OR51L1: variants seen among roughly 807,000 people sequenced by gnomAD.
OR51L1 encodes the protein olfactory receptor family 51 subfamily L member 1.
OR51L1 carries 1 observed loss-of-function variant against 1.4 expected under a neutral mutation model. The observed-to-expected ratio is 0.72, with a 90% confidence interval of 0.26 to 3.42. The LOEUF is 3.42. Ranked by LOEUF, OR51L1 falls within the 30% of genes most tolerant of loss-of-function variation. The probability of loss-of-function intolerance (pLI) is 0.20; values close to 1 mark genes in which losing one functional copy is unlikely to be tolerated. For synonymous variants in OR51L1, 156 were observed against 144.2 expected (o/e 1.08, Z -0.59); for missense variants, 378 against 380.0 (o/e 0.99, Z 0.04).
At chr11:4,996,263 C>A (rs1378421067) in intron 1 of OR51L1, among the ~76,000 whole-genome samples, 1 of 152,072 alleles carries the variant, frequency 6.6e-6, no homozygotes, top group African/African-American at 2.4e-5. Flanking sequence ...CACACACACA[C>A]ACACAGGCAC....
rs1847104695 is a variant in OR51L1 at position 4,999,371 on chromosome 11, A to G, written c.389A>G (p.His130Arg). 6.2e-7 allele frequency: 1 copy of G among 1,614,018 alleles called. No homozygotes were observed. Among genetic ancestry groups the G allele is most frequent in the African/African-American group, 1.3e-5 (1 of 74,910 alleles). The change falls in exon 3 of 3, where the codon CAT (histidine) becomes CGT (arginine). Residue 130 changes from histidine to arginine, a missense_variant. His to Arg is a conservative substitution (Grantham distance 29). Coordinates refer to ENST00000641819, the MANE Select transcript of OR51L1 (RefSeq NM_001004755.2). ...TTTGACCGTTTTGTTGCTATCTGCC[A>G]TCCACTGCACTACCCCACCATCCTC... ...MAFDRFVAIC[H>R]PLHYPTILTN...
chr11:5,005,415 C>G lies in OR51L1; in HGVS notation c.*5485C>G, dbSNP rs1847167667. ...CTACTGCCCAACCTACATGCCTCCC[C>G]CTTCCCCCTTTTAAGGAAATGGATA... On this transcript the variant is annotated 3_prime_UTR_variant, in exon 3 of 3. Transcript: ENST00000641819. 1.3e-5 allele frequency: 2 copies of G among 152,166 alleles called. 1 individual carries two copies. The highest frequency in any genetic ancestry group is 1.3e-4 in the Admixed American group (2 of 15,278). 9.4% of individuals were successfully genotyped at this position (152,166 alleles called of 1,614,324 possible). A position where few individuals can be genotyped will look rare whatever the true frequency, so the allele number is the denominator to read the frequency against.
chr11:4,998,194 AACACACAC>A (rs3066001), intron 2 of OR51L1, among the ~76,000 whole-genome samples: 47,397 of 145,602 alleles, frequency 0.33, 7,651 homozygotes, highest in African/African-American at 0.37. Flanking sequence ...TTATTTCACA[AACACACAC>A]ACACACACAC....
At chr11:4,997,139 G>A (rs1847080528) in intron 1 of OR51L1, among the ~76,000 whole-genome samples, 1 of 152,092 alleles carries the variant, frequency 6.6e-6, no homozygotes, top group Admixed American at 6.6e-5. Flanking sequence ...CATAGAAGAT[G>A]GAGGATTCCT....
In OR51L1 at chr11:5,001,901, G is replaced by A. The variant is rs1158936309; in HGVS notation, c.*1971G>A. 1 of 152,114 alleles carries A rather than the reference G, an allele frequency of 6.6e-6. No homozygotes were observed. Among genetic ancestry groups the A allele is most frequent in the African/African-American group, 2.4e-5 (1 of 41,428 alleles). The allele number at this position is 152,114 out of a possible 1,614,324, so 9.4% of individuals were successfully genotyped here. On this transcript the variant is annotated 3_prime_UTR_variant, in exon 3 of 3. Transcript: ENST00000641819. ...ATAACGTTAATGTTAAATAATGAATGTTTAATAGTGAAGATACATAGATAA... is the reference window on the plus strand; with the variant it reads ...ATAACGTTAATGTTAAATAATGAATATTTAATAGTGAAGATACATAGATAA...
At position 4,996,091 on chromosome 11, in the gene OR51L1, G is replaced by C. The variant is rs867565239; in HGVS notation, c.-262+756G>C. Among the ~76,000 whole-genome samples, 9 of 152,206 alleles carry C rather than the reference G, an allele frequency of 5.9e-5. No homozygotes were observed. The East Asian group carries it at 1.4e-3, about 23-fold the overall frequency. ...TTTCAGGTGAGGGATAAATCAATGA[G>C]ATAAAGCAGTGAGTTAATAATATTG... is the stretch of plus-strand genomic sequence containing the variant. On this transcript the variant is annotated intron_variant, in intron 1 of 2. Transcript: ENST00000641819.
Position 5,000,115 on chromosome 11 carries a change from A to C in OR51L1, c.*185A>C. ...GGATTTTTTTGGACAAATTGTGACA[A>C]CTATGGCCTTACGTTGTCCCCAGGT... is the stretch of plus-strand genomic sequence containing the variant. On this transcript the variant is annotated 3_prime_UTR_variant, in exon 3 of 3. Transcript: ENST00000641819. 1 of 601,568 alleles carries C rather than the reference A, an allele frequency of 1.7e-6. No individual in the cohort carries two copies. The allele number at this position is 601,568 out of a possible 1,614,324, so 37.3% of individuals were successfully genotyped here. A position where few individuals can be genotyped will look rare whatever the true frequency, so the allele number is the denominator to read the frequency against.
chr11:4,998,014 T>C (rs1015615612), intron 2 of OR51L1, among the ~76,000 whole-genome samples: 6 of 152,080 alleles, frequency 3.9e-5, no homozygotes, highest in Non-Finnish European at 7.4e-5. Context: ...AAAAAATCAA[T>C]AGAAATAAAG....
At position 5,004,983 on chromosome 11, in the gene OR51L1, C is replaced by T. The variant is rs1847163766; in HGVS notation, c.*5053C>T. On this transcript the variant is annotated 3_prime_UTR_variant, in exon 3 of 3. Transcript: ENST00000641819. ...CTTGTGCAGAAGTAAAGACTAAGTC[C>T]TGAAGCTGAATCATTGCAACACTCT... is the stretch of plus-strand genomic sequence containing the variant. The T allele has an allele frequency of 6.6e-6, 1 of 152,092 alleles. No individual in the cohort carries two copies. Among genetic ancestry groups the T allele is most frequent in the Non-Finnish European group, 1.5e-5 (1 of 68,010 alleles). 9.4% of individuals were successfully genotyped at this position (152,092 alleles called of 1,614,324 possible).
At position 4,998,400 on chromosome 11, in the gene OR51L1, T is replaced by C. The variant is rs184587133; in HGVS notation, c.-159-424T>C. Among the ~76,000 whole-genome samples, 342 of 152,188 alleles carry C rather than the reference T, an allele frequency of 2.2e-3. 1 individual carries two copies. The highest frequency in any genetic ancestry group is 0.02 in the South Asian group (97 of 4,826). On this transcript the variant is annotated intron_variant, in intron 2 of 2. Coordinates refer to ENST00000641819, the MANE Select transcript of OR51L1 (RefSeq NM_001004755.2). ...CTGGTATTATGGATTCTGTTTCTTA[T>C]GTTCATGCTCTCTTTTCATATAGGG... is the stretch of plus-strand genomic sequence containing the variant.
In OR51L1 at chr11:5,001,968, C is replaced by A. The variant is rs1350557713; in HGVS notation, c.*2038C>A. The A allele has an allele frequency of 6.6e-6, 1 of 152,140 alleles. No homozygotes were observed. The highest frequency in any genetic ancestry group is 6.5e-5 in the Admixed American group (1 of 15,276). 9.4% of individuals were successfully genotyped at this position (152,140 alleles called of 1,614,324 possible). A position where few individuals can be genotyped will look rare whatever the true frequency, so the allele number is the denominator to read the frequency against. ...AGTGTAATCAATGGTATTATTGGAA[C>A]AGGTACCTTTTATAATATTGATATA... On this transcript the variant is annotated 3_prime_UTR_variant, in exon 3 of 3. Coordinates refer to ENST00000641819, the MANE Select transcript of OR51L1 (RefSeq NM_001004755.2).
At chr11:4,996,191 G>A (rs1487748834) in intron 1 of OR51L1, among the ~76,000 whole-genome samples, 1 of 151,890 alleles carries the variant, frequency 6.6e-6, no homozygotes, top group Non-Finnish European at 1.5e-5. Context: ...ATTGTATACC[G>A]AAAATTTGCC....
In OR51L1 at chr11:4,998,822, A is replaced by G. The variant is rs2133660713; in HGVS notation, c.-159-2A>G. 1 of 722,474 alleles carries G rather than the reference A, an allele frequency of 1.4e-6. No individual in the cohort carries two copies. The highest frequency in any genetic ancestry group is 2.2e-6 in the Non-Finnish European group (1 of 450,856). 44.8% of individuals were successfully genotyped at this position (722,474 alleles called of 1,614,324 possible). ...TAATATTGGGAAATGTTTTTTACATAGGGCCGACAAGAGATACCAGCTTCC... is the reference window on the plus strand; with the variant it reads ...TAATATTGGGAAATGTTTTTTACATGGGGCCGACAAGAGATACCAGCTTCC... On this transcript the variant is annotated splice_acceptor_variant, in intron 2 of 2. Coordinates refer to ENST00000641819, the MANE Select transcript of OR51L1 (RefSeq NM_001004755.2). LOFTEE classifies it low-confidence loss of function (5UTR_SPLICE).
At chr11:4,997,317 A>C (rs1847081936) in intron 1 of OR51L1, among the ~76,000 whole-genome samples, 165 bp from the exon 2 acceptor site, 1 of 152,222 alleles carries the variant, frequency 6.6e-6, no homozygotes, top group African/African-American at 2.4e-5. Context: ...AAGTGAGATA[A>C]GAATCAGTCA....
rs995954622 is a variant in OR51L1, at chr11:5,000,155, T to G, written c.*225T>G. ...TGTCCCCAGGTCATTACAAGACTTATAATAGAAAATGTATGTGCTAAGTCA... is the reference window on the plus strand; with the variant it reads ...TGTCCCCAGGTCATTACAAGACTTAGAATAGAAAATGTATGTGCTAAGTCA... On this transcript the variant is annotated 3_prime_UTR_variant, in exon 3 of 3. Coordinates refer to ENST00000641819, the MANE Select transcript of OR51L1 (RefSeq NM_001004755.2). 3 of 422,648 alleles carry G rather than the reference T, an allele frequency of 7.1e-6. No homozygotes were observed. The highest frequency in any genetic ancestry group is 5.9e-5 in the African/African-American group (3 of 50,552). 26.2% of individuals were successfully genotyped at this position (422,648 alleles called of 1,614,324 possible).
In OR51L1 at chr11:5,000,219, A is replaced by C. The variant is rs756303629; in HGVS notation, c.*289A>C. 7.5e-6 allele frequency: 2 copies of C among 265,346 alleles called. No individual in the cohort carries two copies. Among genetic ancestry groups the C allele is most frequent in the African/African-American group, 2.4e-5 (1 of 42,042 alleles). The allele number at this position is 265,346 out of a possible 1,614,324, so 16.4% of individuals were successfully genotyped here. A position where few individuals can be genotyped will look rare whatever the true frequency, so the allele number is the denominator to read the frequency against. ...CTATACAAAATTATTAATGTTATTA[A>C]GTTGTCATTGTTGTTAATGATAACA... On this transcript the variant is annotated 3_prime_UTR_variant, in exon 3 of 3. Transcript: ENST00000641819.
At position 4,999,534 on chromosome 11, in the gene OR51L1, G is replaced by A. The variant is rs1847107060; in HGVS notation, c.552G>A (p.Gln184=). The A allele has an allele frequency of 6.2e-7, 1 of 1,613,874 alleles. No homozygotes were observed. Among genetic ancestry groups the A allele is most frequent in the Non-Finnish European group, 8.5e-7 (1 of 1,180,002 alleles). Residue 184 remains glutamine (Q), a synonymous_variant, in exon 3 of 3, where the codon CAG becomes CAA. Transcript: ENST00000641819. The part of the protein sequence containing the change: ...NALSHAFCLH[Q]DVLRLSCTDA... ...TCTCTCACGCCTTCTGTTTGCACCA[G>A]GATGTTCTAAGATTATCCTGTACAG...
In OR51L1 at chr11:4,999,838, C is replaced by T. The variant is rs1212251668; in HGVS notation, c.856C>T (p.Pro286Ser). The T allele has an allele frequency of 6.2e-7, 1 of 1,613,976 alleles. No individual in the cohort carries two copies. Among genetic ancestry groups the T allele is most frequent in the African/African-American group, 1.3e-5 (1 of 75,016 alleles). ...CATGGCAGACATCTACCTTCTTCTT[C>T]CCCCAGTCCTTAACCCTATTGTCTA... The part of the protein sequence containing the change: ...ILMADIYLLL[P>S]PVLNPIVYSV... Residue 286 changes from proline (P) to serine (S), a missense_variant, in exon 3 of 3, where the codon CCC becomes TCC. Physicochemically the swap from Pro to Ser is moderately conservative, Grantham distance 74 (BLOSUM62 -1). Coordinates refer to ENST00000641819, the MANE Select transcript of OR51L1 (RefSeq NM_001004755.2).
rs1452908542 is a variant in OR51L1 at position 4,998,941 on chromosome 11, A to G, written c.-42A>G. 14 of 1,577,902 alleles carry G rather than the reference A, an allele frequency of 8.9e-6. No homozygotes were observed. Among genetic ancestry groups the G allele is most frequent in the Non-Finnish European group, 1.2e-5 (14 of 1,160,444 alleles). On this transcript the variant is annotated 5_prime_UTR_variant, in exon 3 of 3. Coordinates refer to ENST00000641819, the MANE Select transcript of OR51L1 (RefSeq NM_001004755.2). ...ACTTTGAGGGATCAGGAAGGAAAAC[A>G]CGAACCATTCCTCACTACTTGCTGA...
Sources: allele counts gnomAD v4.1 joint callset (sites outside exome capture counted in the v4.1 genomes callset), GRCh38; gene constraint gnomAD v4.1.1; transcripts MANE v1.5; gene names NCBI Gene and HGNC (gene_info 2026-07-23, HGNC 2026-07-21).